Variants in NELL1 observed in about 807,000 individuals in gnomAD.
The protein encoded by NELL1 is neural EGFL like 1.
In NELL1, 76 loss-of-function variants were observed where a neutral mutation model predicts 107.4. The ratio of observed to expected loss-of-function variants is 0.71; its 90% CI spans 0.59 to 0.86. NELL1 has a LOEUF of 0.86. Ranked by LOEUF, NELL1 falls within the 40% of genes least tolerant of loss-of-function variation. The pLI is 0.00. For synonymous variants in NELL1, 353 were observed against 341.2 expected (o/e 1.03, Z -0.38); for missense variants, 1,024 against 1,005.5 (o/e 1.02, Z -0.25).
chr11:21,276,847 G>T (rs1440369573), intron 14 of NELL1, among the ~76,000 whole-genome samples: 1 of 152,180 alleles, frequency 6.6e-6, no homozygotes, highest in Non-Finnish European at 1.5e-5. Flanking sequence ...CTAGCCATAC[G>T]TAGAAAGCTG....
At chr11:21,239,656 G>A (rs945844676) in intron 14 of NELL1, among the ~76,000 whole-genome samples, 1 of 152,016 alleles carries the variant, frequency 6.6e-6, no homozygotes, top group African/African-American at 2.4e-5. Flanking sequence ...CTGCTTGTTG[G>A]AGGTATGAGG....
chr11:20,686,273 C>T (rs979489080), intron 2 of NELL1, among the ~76,000 whole-genome samples: 8 of 152,034 alleles, frequency 5.3e-5, no homozygotes, highest in African/African-American at 1.9e-4. Flanking sequence ...GTACCAATTG[C>T]AAAGCCTGGT....
At chr11:20,863,981 G>A (rs979714428) in intron 4 of NELL1, among the ~76,000 whole-genome samples, 19 of 152,130 alleles carry the variant, frequency 1.2e-4, no homozygotes, top group Non-Finnish European at 1.0e-4. Context: ...GGCGGCGCGC[G>A]CCTGCAATCG....
intron 13 of NELL1, among the ~76,000 whole-genome samples, chr11:21,182,605 T>C (rs978845579): frequency 6.6e-6 from 1 of 151,720 alleles, no homozygotes; most frequent in African/African-American, 2.4e-5. Flanking sequence ...ATCACAGAAG[T>C]AGACTTTTCA....
At chr11:20,929,641 G>C (rs1850575557) in intron 9 of NELL1, among the ~76,000 whole-genome samples, 1 of 152,052 alleles carries the variant, frequency 6.6e-6, no homozygotes, top group Admixed American at 6.6e-5. Flanking sequence ...CAGATTATTT[G>C]TTTTTATTCT....
At chr11:20,776,258 C>T (rs1004174990) in intron 2 of NELL1, among the ~76,000 whole-genome samples, 3 of 151,916 alleles carry the variant, frequency 2.0e-5, no homozygotes, top group African/African-American at 7.3e-5. Context: ...AGCAACATGG[C>T]GAAACCCCAT....
intron 12 of NELL1, among the ~76,000 whole-genome samples, chr11:20,975,044 C>G (rs1851576336): frequency 6.6e-6 from 1 of 152,028 alleles, no homozygotes; most frequent in Admixed American, 6.6e-5. Context: ...GAGTCTTGCT[C>G]TGTCACTCAT....
intron 14 of NELL1, among the ~76,000 whole-genome samples, chr11:21,347,417 AC>A (rs1850708767): frequency 6.6e-6 from 1 of 152,188 alleles, no homozygotes; most frequent in South Asian, 2.1e-4. Context: ...AGCCTGACCA[AC>A]ATGGTGAAAC....
rs559103342 is a variant in NELL1 at position 20,851,469 on chromosome 11, G to A, written c.506+3716G>A. 4.6e-5 allele frequency among the ~76,000 whole-genome samples: 7 copies of A among 152,124 alleles called. No homozygotes were observed. The East Asian group carries it at 7.8e-4, about 17-fold the overall frequency. Reference sequence around the variant, plus strand: ...TCTCCATTGCCTTGGGTTTTTCTCCGGCTACCTTTTATATTAAGAGTTGGC... The same window carrying A: ...TCTCCATTGCCTTGGGTTTTTCTCCAGCTACCTTTTATATTAAGAGTTGGC... On this transcript the variant is annotated intron_variant, in intron 4 of 19. Coordinates refer to ENST00000357134, the MANE Select transcript of NELL1 (RefSeq NM_006157.5).
intron 12 of NELL1, among the ~76,000 whole-genome samples, chr11:20,968,900 A>G (rs965530580): frequency 1.3e-5 from 2 of 152,202 alleles, no homozygotes; most frequent in Admixed American, 6.5e-5. Context: ...CAGAACTCAG[A>G]TGGTGGCTCT....
chr11:20,909,962 C>A (rs748704909), intron 5 of NELL1, among the ~76,000 whole-genome samples: 1 of 152,158 alleles, frequency 6.6e-6, no homozygotes, highest in South Asian at 2.1e-4. Context: ...GCACAACAAA[C>A]CCCCAAAACT....
At chr11:20,867,138 T>A (rs1173089988) in intron 4 of NELL1, among the ~76,000 whole-genome samples, 1 of 152,062 alleles carries the variant, frequency 6.6e-6, no homozygotes, top group Admixed American at 6.5e-5. Context: ...ACAGATCAAC[T>A]GTTATAGGAT....
intron 5 of NELL1, among the ~76,000 whole-genome samples, chr11:20,903,438 C>G (rs1173337467): frequency 6.6e-6 from 1 of 151,976 alleles, no homozygotes; most frequent in Non-Finnish European, 1.5e-5. Flanking sequence ...CTTAGACCTC[C>G]TCATTGAGAA....
At chr11:21,483,194 T>C (rs1447589775) in intron 15 of NELL1, among the ~76,000 whole-genome samples, 2 of 152,164 alleles carry the variant, frequency 1.3e-5, no homozygotes, top group African/African-American at 4.8e-5. Flanking sequence ...GGCCAGATTA[T>C]TTAAGTGTCT....
At chr11:21,395,821 A>G (rs1167399047) in intron 15 of NELL1, among the ~76,000 whole-genome samples, 1 of 151,510 alleles carries the variant, frequency 6.6e-6, no homozygotes, top group Non-Finnish European at 1.5e-5. Flanking sequence ...TCAAAGATGG[A>G]GCCTGAAAAA....
chr11:20,711,264 G>A (rs575953792), intron 2 of NELL1, among the ~76,000 whole-genome samples: 14 of 152,060 alleles, frequency 9.2e-5, no homozygotes, highest in Non-Finnish European at 1.9e-4. Context: ...CCTTTAGTTA[G>A]TGTGAGTCCT....
intron 14 of NELL1, among the ~76,000 whole-genome samples, chr11:21,333,689 C>T (rs1268250419): frequency 6.6e-6 from 1 of 151,994 alleles, no homozygotes; most frequent in African/African-American, 2.4e-5. Flanking sequence ...AGCATTGAAG[C>T]ATTTGGCTGG....
At chr11:20,988,494 C>T (rs1161045938) in intron 12 of NELL1, among the ~76,000 whole-genome samples, 2 of 135,486 alleles carry the variant, frequency 1.5e-5, no homozygotes, top group Non-Finnish European at 3.2e-5. Context: ...TACACATGTA[C>T]ATATATGTGT....
intron 13 of NELL1, among the ~76,000 whole-genome samples, chr11:21,155,869 C>T (rs747387946): frequency 6.6e-6 from 1 of 152,034 alleles, no homozygotes; most frequent in South Asian, 2.1e-4. Context: ...CTTGAGAATA[C>T]CTTTAGGTGA....
Sources: gnomAD v4.1 joint callset for allele counts (sites outside exome capture counted in the v4.1 genomes callset) on GRCh38, gnomAD v4.1.1 for gene constraint, MANE v1.5 for transcripts, NCBI Gene and HGNC (gene_info 2026-07-23, HGNC 2026-07-21) for gene names.